Variants in DDR2 observed in about 807,000 individuals in gnomAD.
The protein encoded by DDR2 is discoidin domain-containing receptor 2.
In DDR2, 27 loss-of-function variants were observed where a neutral mutation model predicts 94.9. The ratio of observed to expected loss-of-function variants is 0.28; its 90% CI spans 0.21 to 0.39. The LOEUF is 0.39. Ranked by LOEUF, DDR2 falls within the 10% of genes least tolerant of loss-of-function variation. The pLI is 1.00. For missense variants in DDR2, 783 were observed against 1,076.0 expected (o/e 0.73, Z 3.81); for synonymous variants, 382 against 377.2 (o/e 1.01, Z -0.15).
At chr1:162,725,417 C>T (rs550772320) in intron 3 of DDR2, among the ~76,000 whole-genome samples, 51 of 152,306 alleles carry the variant, frequency 3.3e-4, no homozygotes, top group African/African-American at 1.2e-3. Context: ...GTTGCTCTGT[C>T]ACCCAGGCTG....
intron 2 of DDR2, among the ~76,000 whole-genome samples, chr1:162,687,514 G>C (rs560306153): frequency 5.9e-5 from 9 of 152,112 alleles, no homozygotes; most frequent in Admixed American, 3.9e-4. Flanking sequence ...ACACATTGTT[G>C]GATGAACATA....
intron 3 of DDR2, 62 bp downstream of exon 3, chr1:162,719,207 G>A (rs1661301545): frequency 6.2e-7 from 1 of 1,611,498 alleles, no homozygotes; most frequent in African/African-American, 1.3e-5. Flanking sequence ...ACCCATCAAT[G>A]TTCAATGGTG....
At chr1:162,749,523 C>A (rs906700150) in intron 3 of DDR2, among the ~76,000 whole-genome samples, 1 of 152,058 alleles carries the variant, frequency 6.6e-6, no homozygotes, top group African/African-American at 2.4e-5. Flanking sequence ...AATAGCCTAC[C>A]AACCAAAAAA....
chr1:162,758,551 A>G (rs1663568079), intron 7 of DDR2, among the ~76,000 whole-genome samples: 1 of 152,196 alleles, frequency 6.6e-6, no homozygotes, highest in Non-Finnish European at 1.5e-5. Context: ...ATTTATTGCA[A>G]GTAAACTTAC....
intron 2 of DDR2, among the ~76,000 whole-genome samples, chr1:162,716,693 A>G (rs1050740923): frequency 4.0e-5 from 6 of 148,448 alleles, no homozygotes; most frequent in African/African-American, 1.5e-4. Flanking sequence ...AGTCAAAACC[A>G]TCTGACTACA....
chr1:162,691,045 G>C (rs1225866055), intron 2 of DDR2, among the ~76,000 whole-genome samples: 1 of 152,084 alleles, frequency 6.6e-6, no homozygotes. Flanking sequence ...CGTGAGTCAC[G>C]AGCTCTCTCA....
At chr1:162,749,502 C>T (rs148852468) in intron 3 of DDR2, among the ~76,000 whole-genome samples, 95 of 152,122 alleles carry the variant, frequency 6.2e-4, no homozygotes, top group East Asian at 2.1e-3. Flanking sequence ...TCTGAAATTG[C>T]GGCAATAATT....
At chr1:162,683,713 G>T (rs1261535595) in intron 2 of DDR2, among the ~76,000 whole-genome samples, 1 of 151,940 alleles carries the variant, frequency 6.6e-6, no homozygotes, top group Non-Finnish European at 1.5e-5. Flanking sequence ...ACTGATGAAA[G>T]AAATAAAAAG....
At chr1:162,760,438 A>C (rs978271653) in intron 8 of DDR2, among the ~76,000 whole-genome samples, 68 of 140,982 alleles carry the variant, frequency 4.8e-4, no homozygotes, top group African/African-American at 1.7e-3. Context: ...ACAACTACAT[A>C]TATATAACCA....
At chr1:162,652,699 C>A (rs1425362474) in intron 1 of DDR2, among the ~76,000 whole-genome samples, 3 of 152,212 alleles carry the variant, frequency 2.0e-5, no homozygotes, top group Non-Finnish European at 4.4e-5. Context: ...ATCCTCATAA[C>A]TTTATCACAT....
rs1648032167 is a variant in DDR2, at chr1:162,783,811, G to A, written c.*3565G>A. 6.6e-6 allele frequency: 1 copy of A among 152,196 alleles called. No individual in the cohort carries two copies. The highest frequency in any genetic ancestry group is 2.4e-5 in the African/African-American group (1 of 41,436). The allele number at this position is 152,196 out of a possible 1,614,324, so 9.4% of individuals were successfully genotyped here. A position where few individuals can be genotyped will look rare whatever the true frequency, so the allele number is the denominator to read the frequency against. ...TTTCATTTCAGAAGTGGATGAGGAA[G>A]GTGGTGTGAGCATCAGGTATATTCT... is the stretch of plus-strand genomic sequence containing the variant. On this transcript the variant is annotated 3_prime_UTR_variant, in exon 18 of 18. Transcript: ENST00000367921.
At chr1:162,636,391 A>G (rs1381152990) in intron 1 of DDR2, among the ~76,000 whole-genome samples, 2 of 152,040 alleles carry the variant, frequency 1.3e-5, no homozygotes, top group Non-Finnish European at 1.5e-5. Flanking sequence ...TGGAAATTGG[A>G]TATTGTCTGT....
At chr1:162,778,925 T>A (rs889667158) in intron 17 of DDR2, among the ~76,000 whole-genome samples, 196 bp downstream of exon 17, 1 of 152,176 alleles carries the variant, frequency 6.6e-6, no homozygotes, top group Non-Finnish European at 1.5e-5. Flanking sequence ...TATCTATGTG[T>A]CAACTCATTG....
At chr1:162,688,491 A>G (rs1021480145) in intron 2 of DDR2, among the ~76,000 whole-genome samples, 1 of 152,244 alleles carries the variant, frequency 6.6e-6, no homozygotes, top group Non-Finnish European at 1.5e-5. Context: ...AAGTGGTTCA[A>G]TCAGGATTTG....
intron 2 of DDR2, among the ~76,000 whole-genome samples, chr1:162,657,056 T>C (rs775753226): frequency 2.0e-5 from 3 of 151,778 alleles, no homozygotes; most frequent in Non-Finnish European, 4.4e-5. Flanking sequence ...TCCAGGCTGG[T>C]CTTGAACTCC....
rs2102155211 is a variant in DDR2 at position 162,761,267 on chromosome 1, C to T, written c.912C>T (p.Cys304=). 1.2e-6 allele frequency: 2 copies of T among 1,614,134 alleles called. No homozygotes were observed. Among genetic ancestry groups the T allele is most frequent in the Non-Finnish European group, 1.7e-6 (2 of 1,180,006 alleles). ...TGAAGATCTTTAAGGAGGTACAGTG[C>T]TACTTCCGCTCTGAAGCCAGTGAGT... ...KGVKIFKEVQ[C]YFRSEASEWE... Residue 304 remains cysteine, a synonymous_variant, in exon 9 of 18, where the codon TGC becomes TGT. Transcript: ENST00000367921.
At chr1:162,744,019 A>G (rs1160250741) in intron 3 of DDR2, among the ~76,000 whole-genome samples, 1 of 152,192 alleles carries the variant, frequency 6.6e-6, no homozygotes, top group Non-Finnish European at 1.5e-5. Flanking sequence ...TTTGAAATTT[A>G]TCCATGTTGT....
At chr1:162,749,217 G>A (rs533716148) in intron 3 of DDR2, among the ~76,000 whole-genome samples, 10 of 152,254 alleles carry the variant, frequency 6.6e-5, no homozygotes, top group South Asian at 2.1e-4. Flanking sequence ...GAATCCAGGA[G>A]CTGGTTTTTT....
intron 13 of DDR2, among the ~76,000 whole-genome samples, chr1:162,773,224 C>T (rs1402790860): frequency 6.6e-6 from 1 of 152,180 alleles, no homozygotes; most frequent in Admixed American, 6.5e-5. Context: ...CATTCATTCA[C>T]TTAGTGTTCC....
Sources: gnomAD v4.1 joint callset for allele counts (sites outside exome capture counted in the v4.1 genomes callset) on GRCh38, gnomAD v4.1.1 for gene constraint, MANE v1.5 for transcripts, NCBI Gene and HGNC (gene_info 2026-07-23, HGNC 2026-07-21) for gene names.